ZDHHC9: variants seen among roughly 807,000 people sequenced by gnomAD.
ZDHHC9 encodes palmitoyltransferase ZDHHC9.
A neutral mutation model predicts 26.6 loss-of-function variants in ZDHHC9; 3 were observed. The ratio of observed to expected loss-of-function variants is 0.11; its 90% CI spans 0.05 to 0.29. The LOEUF (loss-of-function observed/expected upper bound fraction) is 0.29. Ranked by LOEUF, ZDHHC9 falls within the 10% of genes least tolerant of loss-of-function variation. The pLI, the probability that ZDHHC9 is intolerant of heterozygous loss-of-function variation, is 1.00. For missense variants in ZDHHC9, 146 were observed against 296.4 expected (o/e 0.49, Z 3.73); for synonymous variants, 111 against 109.4 (o/e 1.01, Z -0.09).
intron 9 of ZDHHC9, 54 bp downstream of exon 9, chrX:129,811,352 T>TC (rs1203905144): frequency 9.7e-6 from 10 of 1,026,174 alleles, no homozygotes; most frequent in African/African-American, 3.8e-5. Flanking sequence ...GGTAACAGGA[T>TC]CAGGTTGAGC....
chrX:129,824,059 T>C (rs894810231), intron 4 of ZDHHC9, among the ~76,000 whole-genome samples: 1 of 111,908 alleles, frequency 8.9e-6, no homozygotes, highest in Non-Finnish European at 1.9e-5. Context: ...GGCTTTTTTT[T>C]CTGATTACAA....
intron 10 of ZDHHC9, among the ~76,000 whole-genome samples, chrX:129,806,998 T>G (rs1927530865): frequency 8.9e-6 from 1 of 112,068 alleles, no homozygotes; most frequent in Non-Finnish European, 1.9e-5. Context: ...TAACCTAGAT[T>G]GTTACAATTT....
intron 3 of ZDHHC9, among the ~76,000 whole-genome samples, chrX:129,835,360 C>T (rs748071182): frequency 9.5e-6 from 1 of 105,094 alleles, no homozygotes; most frequent in Admixed American, 1.0e-4. Flanking sequence ...GGTGGGAGGA[C>T]TGTTTAAGCC....
Position 129,820,709 on chromosome X carries a change from T to G in ZDHHC9, c.487+2970A>C, listed in dbSNP as rs1005990107. 4.5e-5 allele frequency among the ~76,000 whole-genome samples: 5 copies of G among 112,142 alleles called. No homozygotes were observed. In the East Asian group the frequency reaches 1.4e-3, roughly 31 times the overall value. ...ATCAGTGCTTTTTAAAAAAATTGAT[T>G]TGTATGAGTTCCTTATAGTTAAGAG... On this transcript the variant is annotated intron_variant, in intron 5 of 10. Coordinates refer to ENST00000357166, the MANE Select transcript of ZDHHC9 (RefSeq NM_016032.4).
chrX:129,838,539 G>A (rs1569323480), intron 3 of ZDHHC9, among the ~76,000 whole-genome samples: 1 of 111,161 alleles, frequency 9.0e-6, no homozygotes, highest in Non-Finnish European at 1.9e-5. Flanking sequence ...GTATTTGGCA[G>A]GTGTCTGTAA....
intron 5 of ZDHHC9, among the ~76,000 whole-genome samples, chrX:129,819,965 G>A (rs992680473): frequency 9.0e-6 from 1 of 111,072 alleles, no homozygotes; most frequent in Non-Finnish European, 1.9e-5. Flanking sequence ...CCAAAGTGCT[G>A]GGATTACAGG....
At chrX:129,813,148 C>A (rs1006122223) in intron 7 of ZDHHC9, among the ~76,000 whole-genome samples, 2 of 112,114 alleles carry the variant, frequency 1.8e-5, no homozygotes, top group Admixed American at 9.5e-5. Context: ...CATGTAATCC[C>A]GGCACTTTGG....
intron 3 of ZDHHC9, among the ~76,000 whole-genome samples, chrX:129,837,265 G>T (rs1304382275): frequency 1.8e-5 from 2 of 111,971 alleles, no homozygotes; most frequent in Admixed American, 9.5e-5. Context: ...GCACTGTGGG[G>T]GCTACACAGC....
At chrX:129,821,969 C>T (rs1364007746) in intron 5 of ZDHHC9, among the ~76,000 whole-genome samples, 1 of 110,781 alleles carries the variant, frequency 9.0e-6, no homozygotes, top group Non-Finnish European at 1.9e-5. Context: ...GCTGATGAGG[C>T]TGTGGAGAAA....
chrX:129,839,304 A>G (rs935808589), intron 3 of ZDHHC9, among the ~76,000 whole-genome samples: 10 of 106,347 alleles, frequency 9.4e-5, no homozygotes, highest in Non-Finnish European at 1.2e-4. Flanking sequence ...TCCGCCTCCC[A>G]GGTGCAAGGG....
intron 1 of ZDHHC9, 49 bp from the exon 2 acceptor site, chrX:129,843,375 C>T (rs1469908634): frequency 1.8e-5 from 2 of 112,297 alleles, no homozygotes; most frequent in East Asian, 5.7e-4. Flanking sequence ...ACCGGCTCCC[C>T]AGCGGGGGGC....
intron 10 of ZDHHC9, among the ~76,000 whole-genome samples, chrX:129,808,033 T>C (rs1927560107): frequency 8.9e-6 from 1 of 112,415 alleles, no homozygotes; most frequent in African/African-American, 3.2e-5. Context: ...ACTTATACTC[T>C]GAAAACTACA....
intron 3 of ZDHHC9, among the ~76,000 whole-genome samples, chrX:129,835,607 A>T (rs1168236585): frequency 9.0e-6 from 1 of 110,759 alleles, no homozygotes; most frequent in Non-Finnish European, 1.9e-5. Flanking sequence ...ACACGGAGAA[A>T]CTCTGTCTCT....
At chrX:129,842,554 T>C (rs760599414) in intron 2 of ZDHHC9, among the ~76,000 whole-genome samples, 1 of 112,251 alleles carries the variant, frequency 8.9e-6, no homozygotes, top group African/African-American at 3.2e-5. Context: ...AATAGTAGAG[T>C]TTCTGTCCTT....
intron 10 of ZDHHC9, 71 bp downstream of exon 10, chrX:129,810,834 T>C: frequency 1.0e-6 from 1 of 957,810 alleles, no homozygotes; most frequent in Non-Finnish European, 1.5e-6. Flanking sequence ...TATTGCCTAA[T>C]TATATTTCCA....
Position 129,814,801 on chromosome X carries a change from GGAGAAA to G in ZDHHC9, c.488-12_488-7del. The G allele has an allele frequency of 8.3e-7, 1 of 1,211,201 alleles. No individual in the cohort carries two copies. The highest frequency in any genetic ancestry group is 1.8e-5 in the South Asian group (1 of 56,980). On this transcript the variant is annotated splice_polypyrimidine_tract_variant and splice_region_variant and intron_variant, in intron 5 of 10. Transcript: ENST00000357166. ...GCAGTGATGGTCGAAGCGCTCTGTGGGAGAAAGAGAGAGTCCAAAGCCAAAAGCCTC... is the reference window on the plus strand; with the variant it reads ...GCAGTGATGGTCGAAGCGCTCTGTGGGAGAGAGTCCAAAGCCAAAAGCCTC...
intron 5 of ZDHHC9, among the ~76,000 whole-genome samples, chrX:129,819,042 G>A (rs974687451): frequency 1.8e-5 from 2 of 108,409 alleles, no homozygotes; most frequent in Non-Finnish European, 3.8e-5. Context: ...GCGTGGTGGC[G>A]GGAGCCTGTA....
In ZDHHC9 at chrX:129,805,118, G is replaced by A. The variant is rs1927482332; in HGVS notation, c.*1252C>T. On this transcript the variant is annotated 3_prime_UTR_variant, in exon 11 of 11. Coordinates refer to ENST00000357166, the MANE Select transcript of ZDHHC9 (RefSeq NM_016032.4). ...CCTGAAATAGAGCAGGTCCTGAGCA[G>A]AGCTGACTGGGGGCCACAGCCCACC... The A allele has an allele frequency of 8.9e-6, 1 of 112,371 alleles. No individual in the cohort carries two copies. Among genetic ancestry groups the A allele is most frequent in the Non-Finnish European group, 1.9e-5 (1 of 53,178 alleles). The allele number at this position is 112,371 out of a possible 1,213,427, so 9.3% of individuals were successfully genotyped here.
Position 129,806,266 on chromosome X carries a change from T to C in ZDHHC9, c.*104A>G. On this transcript the variant is annotated 3_prime_UTR_variant, in exon 11 of 11. Transcript: ENST00000357166. ...GTGACTAAAGACCAAAGAAAAACAG[T>C]TAAAAGGGACAGCTTACTTGCTCTC... is the stretch of plus-strand genomic sequence containing the variant. The C allele has an allele frequency of 2.7e-6, 2 of 740,723 alleles. No homozygotes were observed. Among genetic ancestry groups the C allele is most frequent in the Non-Finnish European group, 2.1e-6 (1 of 468,633 alleles). The allele number at this position is 740,723 out of a possible 1,213,427, so 61.0% of individuals were successfully genotyped here. A position where few individuals can be genotyped will look rare whatever the true frequency, so the allele number is the denominator to read the frequency against.
Sources: allele counts gnomAD v4.1 joint callset (sites outside exome capture counted in the v4.1 genomes callset), GRCh38; gene constraint gnomAD v4.1.1; transcripts MANE v1.5; gene names NCBI Gene and HGNC (gene_info 2026-07-23, HGNC 2026-07-21).